The following HDAC4 variants were observed in gnomAD, a reference collection of about 807,000 sequenced individuals.
The protein encoded by HDAC4 is histone deacetylase 4.
In HDAC4, 16 loss-of-function variants were observed where a neutral mutation model predicts 135.1. That is an observed-to-expected ratio of 0.12 (90% CI 0.08 to 0.18). The LOEUF (loss-of-function observed/expected upper bound fraction) is 0.18. HDAC4 is among the 10% of genes least tolerant of loss of function. The pLI is 1.00. For missense variants in HDAC4, 1,143 were observed against 1,511.8 expected (o/e 0.76, Z 4.05); for synonymous variants, 685 against 653.4 (o/e 1.05, Z -0.74).
Position 239,189,866 on chromosome 2 carries a change from C to T in HDAC4, c.306G>A (p.Arg102=), listed in dbSNP as rs1229774810. The change falls in exon 4 of 27, where the codon CGG becomes CGA. Residue 102 remains arginine (R), a synonymous_variant. Coordinates refer to ENST00000543185, the MANE Select transcript of HDAC4 (RefSeq NM_001378414.1). ...GCTCGTGGAGCTGCGCCTCGTGCTGCCGGGAGAGCTGCTCGTGCTGCCTCT... is the reference window on the plus strand; with the variant it reads ...GCTCGTGGAGCTGCGCCTCGTGCTGTCGGGAGAGCTGCTCGTGCTGCCTCT... ...EFQRQHEQLS[R]QHEAQLHEHI... is the part of the protein sequence containing the mutation. 6.2e-7 allele frequency: 1 copy of T among 1,609,546 alleles called. No individual in the cohort carries two copies. The highest frequency in any genetic ancestry group is 1.7e-5 in the Admixed American group (1 of 59,974).
rs988797496 is a variant in HDAC4, at chr2:239,146,503, C to T, written c.734-1789G>A. Among the ~76,000 whole-genome samples the T allele has an allele frequency of 1.3e-5, 2 of 152,152 alleles. No individual in the cohort carries two copies. Among genetic ancestry groups the T allele is most frequent in the East Asian group, 1.9e-4 (1 of 5,180 alleles). ...TCGGGAGGCGGGCATGACATGGTCACTCCAGGCTACCATGGACTGGCTGTG... is the reference window on the plus strand; with the variant it reads ...TCGGGAGGCGGGCATGACATGGTCATTCCAGGCTACCATGGACTGGCTGTG... On this transcript the variant is annotated intron_variant, in intron 7 of 26. Transcript: ENST00000543185. The surrounding 1 kb of genome is among the most constrained non-coding windows in gnomAD (Gnocchi z 4.5).
Position 239,349,686 on chromosome 2 carries a change from G to T in HDAC4, c.22+2992C>A, listed in dbSNP as rs146149337. Among the ~76,000 whole-genome samples the T allele has an allele frequency of 6.6e-5, 10 of 152,356 alleles. No homozygotes were observed. Among genetic ancestry groups the T allele is most frequent in the Admixed American group, 5.2e-4 (8 of 15,308 alleles). Reference sequence around the variant, plus strand: ...AGTGTGTGCAGGTGGTGGTATGCACGTGTTGGGCACAAGGGGTCCTGCCTC... The same window carrying T: ...AGTGTGTGCAGGTGGTGGTATGCACTTGTTGGGCACAAGGGGTCCTGCCTC... On this transcript the variant is annotated intron_variant, in intron 2 of 26. Coordinates refer to ENST00000543185, the MANE Select transcript of HDAC4 (RefSeq NM_001378414.1). The surrounding 1 kb of genome is among the most constrained non-coding windows in gnomAD (Gnocchi z 5.7).
At chr2:239,106,203 G>T (rs2038117442) in intron 15 of HDAC4, among the ~76,000 whole-genome samples, 1 of 152,320 alleles carries the variant, frequency 6.6e-6, no homozygotes, top group Non-Finnish European at 1.5e-5. Flanking sequence ...GCTGAGGGCG[G>T]GCGGAGGAGC....
chr2:239,337,359 ACTAACCGGTG>A, intron 2 of HDAC4, among the ~76,000 whole-genome samples: 1 of 152,264 alleles, frequency 6.6e-6, no homozygotes, highest in Middle Eastern at 3.4e-3. Context: ...TGCATAAGCC[ACTAACCGGTG>A]GGGACTCCCA....
intron 3 of HDAC4, among the ~76,000 whole-genome samples, chr2:239,205,806 G>T (rs2046011415): frequency 6.6e-6 from 1 of 152,170 alleles, no homozygotes; most frequent in Admixed American, 6.5e-5. Context: ...GTAGAGAACG[G>T]CAAGAGGTGA....
At chr2:239,153,200 A>T (rs894182923) in intron 7 of HDAC4, among the ~76,000 whole-genome samples, 1 of 152,246 alleles carries the variant, frequency 6.6e-6, no homozygotes, top group African/African-American at 2.4e-5. Flanking sequence ...AGCAAAGGAC[A>T]TGCAAAAAAT....
rs552259478 is a variant in HDAC4, at chr2:239,167,902, A to C, written c.491-3979T>G. ...AGAGAGTGCACCCGAGACCTAAGGAATGAGCGAGCAACAGCTGAGCGGGGC... is the reference window on the plus strand; with the variant it reads ...AGAGAGTGCACCCGAGACCTAAGGACTGAGCGAGCAACAGCTGAGCGGGGC... On this transcript the variant is annotated intron_variant, in intron 5 of 26. Coordinates refer to ENST00000543185, the MANE Select transcript of HDAC4 (RefSeq NM_001378414.1). The surrounding 1 kb of genome is among the most constrained non-coding windows in gnomAD (Gnocchi z 4.1). Among the ~76,000 whole-genome samples, 11 of 138,056 alleles carry C rather than the reference A, an allele frequency of 8.0e-5. No individual in the cohort carries two copies. The highest frequency in any genetic ancestry group is 2.7e-4 in the African/African-American group (10 of 37,470). 90.6% of individuals were successfully genotyped at this position (138,056 alleles called of 152,430 possible). A position where few individuals can be genotyped will look rare whatever the true frequency, so the allele number is the denominator to read the frequency against.
chr2:239,301,567 G>A (rs1302785211), intron 2 of HDAC4, among the ~76,000 whole-genome samples: 3 of 150,484 alleles, frequency 2.0e-5, no homozygotes, highest in African/African-American at 4.9e-5. Flanking sequence ...CTGCAGCCTC[G>A]ACCTCCTAGC....
At chr2:239,132,026 C>G (rs2040619931) in intron 11 of HDAC4, among the ~76,000 whole-genome samples, 1 of 152,056 alleles carries the variant, frequency 6.6e-6, no homozygotes, top group African/African-American at 2.4e-5. Context: ...CAAATGAGGG[C>G]CCTGCTCATG....
chr2:239,101,005 G>A (rs2037566010), intron 16 of HDAC4, among the ~76,000 whole-genome samples: 1 of 152,168 alleles, frequency 6.6e-6, no homozygotes. Context: ...TTGACTGAGT[G>A]CCTCCCTGAG....
chr2:239,135,048 A>G (rs1182544547), intron 9 of HDAC4, among the ~76,000 whole-genome samples: 5 of 152,258 alleles, frequency 3.3e-5, no homozygotes, highest in African/African-American at 1.2e-4. Flanking sequence ...ATAACATCAA[A>G]GGCAGAAAAC....
intron 1 of HDAC4, among the ~76,000 whole-genome samples, chr2:239,389,087 T>TAAATGCACCAATCAGCACTCTGTAA (rs1228947399): frequency 6.6e-6 from 1 of 152,174 alleles, no homozygotes; most frequent in African/African-American, 2.4e-5. Flanking sequence ...TAGAGGATTG[T>TAAATGCACCAATCAGCACTCTGTAA]AAATGCACCA....
At chr2:239,203,407 T>A (rs1183069110) in intron 3 of HDAC4, among the ~76,000 whole-genome samples, 1 of 152,212 alleles carries the variant, frequency 6.6e-6, no homozygotes, top group Non-Finnish European at 1.5e-5. Flanking sequence ...CATTTTTTAC[T>A]CTAACTAGAA....
In HDAC4 at chr2:239,141,710, C is replaced by T. The variant is rs527580209; in HGVS notation, c.866-1914G>A. Among the ~76,000 whole-genome samples the T allele has an allele frequency of 4.1e-4, 62 of 152,324 alleles. No individual in the cohort carries two copies. Among genetic ancestry groups the T allele is most frequent in the African/African-American group, 1.5e-3 (61 of 41,572 alleles). ...CACACCAAGATCCAGCAGATCTTCC[C>T]TGTAATGGGTGCCTCCCAGCTGTGT... On this transcript the variant is annotated intron_variant, in intron 8 of 26. Transcript: ENST00000543185. The surrounding 1 kb of genome is among the most constrained non-coding windows in gnomAD (Gnocchi z 4.9).
intron 3 of HDAC4, among the ~76,000 whole-genome samples, chr2:239,227,160 G>C (rs3791618): frequency 0.14 from 20,741 of 152,194 alleles, 1,520 homozygotes; most frequent in East Asian, 0.19. Context: ...GGGCTGGTGG[G>C]ACCAGGACTG....
intron 14 of HDAC4, among the ~76,000 whole-genome samples, 171 bp downstream of exon 14, chr2:239,111,355 C>T (rs191469743): frequency 1.9e-4 from 29 of 152,290 alleles, no homozygotes; most frequent in Non-Finnish European, 3.2e-4. Flanking sequence ...GGGTGTAGGG[C>T]GGGGAGAGGG....
intron 11 of HDAC4, among the ~76,000 whole-genome samples, chr2:239,133,131 C>T (rs1374311344): frequency 1.3e-5 from 2 of 152,172 alleles, no homozygotes; most frequent in Admixed American, 1.3e-4. Flanking sequence ...CGCCATTTGG[C>T]TTCTGGGCAA....
intron 2 of HDAC4, among the ~76,000 whole-genome samples, chr2:239,334,436 G>C (rs1691788068): frequency 6.6e-6 from 1 of 152,108 alleles, no homozygotes; most frequent in South Asian, 2.1e-4. Context: ...CACGAGAACT[G>C]CTTGAGCCTG....
chr2:239,289,570 G>T (rs2051342645), intron 2 of HDAC4, among the ~76,000 whole-genome samples: 1 of 141,796 alleles, frequency 7.1e-6, no homozygotes, highest in African/African-American at 2.6e-5. Context: ...AAAAAGACAG[G>T]AGGAGCAGAG....
Sources: allele counts gnomAD v4.1 joint callset (sites outside exome capture counted in the v4.1 genomes callset), GRCh38; gene constraint gnomAD v4.1.1; non-coding constraint Gnocchi (gnomAD v3.1); transcripts MANE v1.5; gene names NCBI Gene and HGNC (gene_info 2026-07-23, HGNC 2026-07-21).